GPR176: variants seen among roughly 807,000 people sequenced by gnomAD.
GPR176 encodes G-protein coupled receptor 176.
Under a neutral mutation model 35.4 loss-of-function variants are expected in GPR176, and 26 were observed. The ratio of observed to expected loss-of-function variants is 0.74; its 90% confidence interval spans 0.54 to 1.02. The LOEUF (loss-of-function observed/expected upper bound fraction) is 1.02, where lower values mean the gene tolerates loss of function less well. Ranked by LOEUF, GPR176 falls within the 50% of genes least tolerant of loss-of-function variation. The pLI, the probability that GPR176 is intolerant of heterozygous loss-of-function variation, is 0.00. For synonymous variants in GPR176, 278 were observed against 271.3 expected (o/e 1.02, Z -0.24); for missense variants, 597 against 665.3 (o/e 0.90, Z 1.13).
intron 1 of GPR176, among the ~76,000 whole-genome samples, chr15:39,883,599 T>G (rs1441342350): frequency 1.3e-5 from 2 of 152,136 alleles, no homozygotes; most frequent in Non-Finnish European, 2.9e-5. Context: ...TACCTCAAAT[T>G]ATGGTCTACT....
chr15:39,839,891 C>A (rs1901637208), intron 1 of GPR176, among the ~76,000 whole-genome samples: 1 of 152,186 alleles, frequency 6.6e-6, no homozygotes, highest in Non-Finnish European at 1.5e-5. Context: ...CTCACCATCA[C>A]TGGTCGTCAT....
chr15:39,894,205 T>C (rs374885920), intron 1 of GPR176, among the ~76,000 whole-genome samples: 7,132 of 35,690 alleles, frequency 0.2, 12 homozygotes, highest in Admixed American at 0.26. Flanking sequence ...CCAGTAGGGG[T>C]GGCCGGGCAG....
At chr15:39,891,928 T>C (rs927872394) in intron 1 of GPR176, among the ~76,000 whole-genome samples, 1 of 152,248 alleles carries the variant, frequency 6.6e-6, no homozygotes, top group Non-Finnish European at 1.5e-5. Flanking sequence ...ACTTGATTAA[T>C]TGAAGCTATC....
intron 1 of GPR176, among the ~76,000 whole-genome samples, chr15:39,841,325 C>A (rs1165963911): frequency 6.7e-6 from 1 of 149,722 alleles, no homozygotes; most frequent in African/African-American, 2.5e-5. Context: ...TGTGTCCCCA[C>A]CCCACCCCAC....
intron 1 of GPR176, among the ~76,000 whole-genome samples, chr15:39,909,664 A>G (rs570045471): frequency 1.6e-4 from 24 of 152,362 alleles, no homozygotes; most frequent in African/African-American, 5.8e-4. Flanking sequence ...GGTTCTCAAA[A>G]TAAATGAAAA....
intron 1 of GPR176, among the ~76,000 whole-genome samples, chr15:39,882,930 C>A (rs916994628): frequency 2.0e-5 from 3 of 152,188 alleles, no homozygotes; most frequent in African/African-American, 7.2e-5. Context: ...CTTCAAGTGG[C>A]AAATGTCGGC....
chr15:39,841,304 A>G (rs563021372), intron 1 of GPR176, among the ~76,000 whole-genome samples: 5 of 152,248 alleles, frequency 3.3e-5, no homozygotes, highest in African/African-American at 9.6e-5. Context: ...CACTTCTGTT[A>G]TAAGTTGAAT....
At chr15:39,813,577 T>C (rs1418423450) in intron 1 of GPR176, 3 of 152,182 alleles carry the variant, frequency 2.0e-5, no homozygotes, top group Non-Finnish European at 4.4e-5. Flanking sequence ...TTCTCTACCT[T>C]CCTTCAAGAT....
intron 1 of GPR176, among the ~76,000 whole-genome samples, chr15:39,842,248 GGGAAGC>G (rs1206331213): frequency 1.3e-5 from 2 of 152,096 alleles, no homozygotes; most frequent in African/African-American, 4.8e-5. Context: ...GAAGGCAAAG[GGGAAGC>G]CAGCATATTT....
At chr15:39,909,162 T>A (rs1370359991) in intron 1 of GPR176, among the ~76,000 whole-genome samples, 1 of 152,190 alleles carries the variant, frequency 6.6e-6, no homozygotes, top group Admixed American at 6.5e-5. Context: ...CCAACAGATG[T>A]TCCCAAGGAA....
chr15:39,836,820 C>G (rs1901426373), intron 1 of GPR176, among the ~76,000 whole-genome samples: 1 of 152,104 alleles, frequency 6.6e-6, no homozygotes, highest in Admixed American at 6.6e-5. Flanking sequence ...GAGTCAAAAA[C>G]AGTACTTGGC....
intron 1 of GPR176, among the ~76,000 whole-genome samples, chr15:39,829,544 G>A (rs1900919465): frequency 6.6e-6 from 1 of 151,948 alleles, no homozygotes; most frequent in South Asian, 2.1e-4. Flanking sequence ...AGTAGAAACA[G>A]CTAAACCATA....
intron 1 of GPR176, among the ~76,000 whole-genome samples, chr15:39,849,184 C>T (rs1595477182): frequency 6.6e-6 from 1 of 152,040 alleles, no homozygotes; most frequent in South Asian, 2.1e-4. Flanking sequence ...AACGAAATAA[C>T]CATACACACA....
chr15:39,807,937 C>T (rs982128798), intron 1 of GPR176, among the ~76,000 whole-genome samples: 1 of 152,162 alleles, frequency 6.6e-6, no homozygotes, highest in Non-Finnish European at 1.5e-5. Context: ...TTCTAGACTT[C>T]AGCAGCAATG....
intron 1 of GPR176, among the ~76,000 whole-genome samples, chr15:39,850,928 A>T (rs1413312519): frequency 2.0e-5 from 3 of 152,202 alleles, no homozygotes; most frequent in African/African-American, 4.8e-5. Context: ...TCCAGGCAAG[A>T]GATGACCATG....
intron 1 of GPR176, among the ~76,000 whole-genome samples, chr15:39,841,409 GTAA>G (rs764118214): frequency 2.0e-4 from 26 of 132,620 alleles, no homozygotes; most frequent in Non-Finnish European, 3.9e-4. Flanking sequence ...AGCAAATCAA[GTAA>G]TAATGAGAGA....
At chr15:39,849,039 C>T (rs1342896388) in intron 1 of GPR176, among the ~76,000 whole-genome samples, 2 of 151,824 alleles carry the variant, frequency 1.3e-5, no homozygotes, top group Non-Finnish European at 2.9e-5. Flanking sequence ...AAGAACTGGT[C>T]CTTTGAAAAG....
intron 1 of GPR176, among the ~76,000 whole-genome samples, chr15:39,909,571 A>G (rs1436376842): frequency 2.0e-5 from 3 of 152,252 alleles, no homozygotes; most frequent in Admixed American, 2.0e-4. Flanking sequence ...GAAGAAAAAC[A>G]AAACACTTGC....
At chr15:39,850,300 C>T (rs1313963645) in intron 1 of GPR176, among the ~76,000 whole-genome samples, 1 of 152,138 alleles carries the variant, frequency 6.6e-6, no homozygotes, top group African/African-American at 2.4e-5. Context: ...CAGCTATCAT[C>T]TAAAGGGGCC....
Sources: allele counts gnomAD v4.1 joint callset (sites outside exome capture counted in the v4.1 genomes callset), GRCh38; gene constraint gnomAD v4.1.1; transcripts MANE v1.5; gene names NCBI Gene and HGNC (gene_info 2026-07-23, HGNC 2026-07-21).